The following ZNF718 variants were observed in gnomAD, a reference collection of about 807,000 sequenced individuals.
ZNF718 encodes zinc finger protein 718.
ZNF718 carries 3 observed loss-of-function variants against 2.6 expected under a neutral mutation model. The observed-to-expected ratio is 1.16, with a 90% CI of 0.53 to 3.01. The LOEUF (loss-of-function observed/expected upper bound fraction) is 3.01. Among genes scored for constraint, ZNF718 ranks in the 30% most tolerant of loss-of-function variants. The pLI, the probability that ZNF718 is intolerant of heterozygous loss-of-function variation, is 0.03. For synonymous variants in ZNF718, 135 were observed against 77.9 expected (o/e 1.73, Z -3.86); for missense variants, 468 against 230.0 (o/e 2.03, Z -6.69).
chr4:164,874 A>T (rs1221538140), downstream of ZNF718, among the ~76,000 whole-genome samples: 2 of 152,172 alleles, frequency 1.3e-5, no homozygotes, highest in African/African-American at 4.8e-5. Flanking sequence ...ATAGGTGTGT[A>T]ATAGCTGCTC....
In ZNF718 at chr4:131,152, A is replaced by G. The variant is rs1477214690; in HGVS notation, c.130+238A>G. ...AGGCTAGTGGTAATTCTAGAAATTA[A>G]TGATATAAAATAATTGTCTTTCACA... On this transcript the variant is annotated intron_variant, in intron 2 of 3. Coordinates refer to ENST00000510175, the MANE Select transcript of ZNF718 (RefSeq NM_001039127.6). 1.4e-4 allele frequency among the ~76,000 whole-genome samples: 15 copies of G among 104,740 alleles called. 5 individuals carry two copies. The South Asian group carries it at 2.6e-3, about 18-fold the overall frequency. The allele number at this position is 104,740 out of a possible 152,430, so 68.7% of individuals were successfully genotyped here. A position where few individuals can be genotyped will look rare whatever the true frequency, so the allele number is the denominator to read the frequency against.
intron 3 of ZNF718, among the ~76,000 whole-genome samples, chr4:172,531 G>A (rs1415349279): frequency 6.6e-6 from 1 of 151,988 alleles, no homozygotes; most frequent in African/African-American, 2.4e-5. Context: ...AATAACATAG[G>A]TACTTATTTT....
chr4:169,186 G>T (rs1163195692), intron 3 of ZNF718, among the ~76,000 whole-genome samples: 1 of 152,190 alleles, frequency 6.6e-6, no homozygotes, highest in Non-Finnish European at 1.5e-5. Flanking sequence ...TTAATCCTGA[G>T]TTCTAGTTTG....
intron 3 of ZNF718, among the ~76,000 whole-genome samples, chr4:187,037 T>C (rs1301007761): frequency 1.3e-5 from 2 of 152,210 alleles, no homozygotes; most frequent in Non-Finnish European, 2.9e-5. Context: ...CTTTGTGGGC[T>C]TATCTATTTT....
intron 3 of ZNF718, among the ~76,000 whole-genome samples, chr4:137,410 A>G (rs144426600): frequency 6.7e-6 from 1 of 149,412 alleles, no homozygotes; most frequent in African/African-American, 2.5e-5. Context: ...GAATAACTTC[A>G]TTTTTTTTTT....
chr4:169,052 G>C (rs546369515), downstream of ZNF718, among the ~76,000 whole-genome samples: 1 of 152,166 alleles, frequency 6.6e-6, no homozygotes, highest in South Asian at 2.1e-4. Context: ...GGTATGTTGT[G>C]TCTTTGTTCT....
chr4:172,942 G>A (rs540273515), intron 3 of ZNF718, among the ~76,000 whole-genome samples: 1 of 152,230 alleles, frequency 6.6e-6, no homozygotes, highest in Non-Finnish European at 1.5e-5. Context: ...CTACTCAGGA[G>A]GCTGAGGCAG....
chr4:130,759 T>A, intron 1 of ZNF718, 29 bp from the exon 2 acceptor site: 1 of 317,908 alleles, frequency 3.1e-6, no homozygotes. Context: ...AAAAAAGAAT[T>A]CTGTCACTTG....
intron 3 of ZNF718, among the ~76,000 whole-genome samples, chr4:183,467 T>C (rs1398209580): frequency 6.6e-6 from 1 of 152,238 alleles, no homozygotes; most frequent in Non-Finnish European, 1.5e-5. Context: ...TGCTTAGAAT[T>C]GCCTTGGCTA....
In ZNF718 at chr4:154,933, A is replaced by G. The variant is rs908068071; in HGVS notation, c.227-5979A>G. Reference sequence around the variant, plus strand: ...AGAGGCCTAAGAGGGAAATAATTTTATGGGTTGGGCCTAGGCCCCCCTTCC... The same window carrying G: ...AGAGGCCTAAGAGGGAAATAATTTTGTGGGTTGGGCCTAGGCCCCCCTTCC... On this transcript the variant is annotated intron_variant, in intron 3 of 3. Transcript: ENST00000510175. 3.3e-5 allele frequency among the ~76,000 whole-genome samples: 5 copies of G among 152,136 alleles called. No individual in the cohort carries two copies. The East Asian group carries it at 9.7e-4, about 29-fold the overall frequency.
At position 186,890 on chromosome 4, in the gene ZNF718, GAAGCC is replaced by G. The variant is rs545396887; in HGVS notation, c.227-14190_227-14186del. Among the ~76,000 whole-genome samples the G allele has an allele frequency of 4.4e-3, 663 of 152,296 alleles. 1 individual carries two copies. The highest frequency in any genetic ancestry group is 7.8e-3 in the Non-Finnish European group (528 of 68,038). On this transcript the variant is annotated intron_variant and NMD_transcript_variant, in intron 3 of 4. Coordinates refer to the ZNF718 transcript ENST00000642529. ...CAAAGCTCATTTGTATTCACATCCTGAAGCCTACTTCTATCATTTCAGCCATTTCA... is the reference window on the plus strand; with the variant it reads ...CAAAGCTCATTTGTATTCACATCCTGTACTTCTATCATTTCAGCCATTTCA...
chr4:164,758 A>T (rs782732567), downstream of ZNF718, among the ~76,000 whole-genome samples: 37 of 152,282 alleles, frequency 2.4e-4, no homozygotes, highest in Middle Eastern at 0.014. Context: ...TATAATCAAC[A>T]TAATTGAGTT....
chr4:182,807 G>A (rs1717494421), intron 3 of ZNF718, among the ~76,000 whole-genome samples: 1 of 152,110 alleles, frequency 6.6e-6, no homozygotes, highest in African/African-American at 2.4e-5. Context: ...CTTCTTCTGA[G>A]AAGTGTCTGT....
At chr4:185,413 A>G (rs1282653958) in intron 3 of ZNF718, among the ~76,000 whole-genome samples, 2 of 152,116 alleles carry the variant, frequency 1.3e-5, no homozygotes, top group East Asian at 3.9e-4. Context: ...GCATGTTTTA[A>G]TACTGATTAT....
downstream of ZNF718, among the ~76,000 whole-genome samples, chr4:166,725 G>A (rs990762756): frequency 3.3e-5 from 5 of 151,888 alleles, no homozygotes; most frequent in Admixed American, 3.3e-4. Context: ...AAATTTGTTT[G>A]AGTTCTTTGT....
At chr4:158,992 T>C (rs1716700666) in intron 3 of ZNF718, among the ~76,000 whole-genome samples, 1 of 151,684 alleles carries the variant, frequency 6.6e-6, no homozygotes, top group African/African-American at 2.4e-5. Flanking sequence ...AGGACAGTTT[T>C]GCTGGTTATA....
At chr4:199,183 C>G (rs1356105593) in intron 3 of ZNF718, among the ~76,000 whole-genome samples, 1 of 152,206 alleles carries the variant, frequency 6.6e-6, no homozygotes, top group Non-Finnish European at 1.5e-5. Context: ...TTTTCCTCCT[C>G]TGTAAAAGGG....
At chr4:149,458 A>G (rs1229521415) in intron 3 of ZNF718, among the ~76,000 whole-genome samples, 1 of 152,120 alleles carries the variant, frequency 6.6e-6, no homozygotes, top group African/African-American at 2.4e-5. Context: ...ACTCCATTTT[A>G]CTGGGCAATC....
chr4:191,202 G>A (rs1717687494), intron 3 of ZNF718, among the ~76,000 whole-genome samples: 2 of 137,110 alleles, frequency 1.5e-5, no homozygotes, highest in Admixed American at 1.5e-4. Flanking sequence ...AGGCTGGAGT[G>A]CGGTGGTGTC....
Sources: allele counts gnomAD v4.1 joint callset (sites outside exome capture counted in the v4.1 genomes callset), GRCh38; gene constraint gnomAD v4.1.1; transcripts MANE v1.5; gene names NCBI Gene and HGNC (gene_info 2026-07-23, HGNC 2026-07-21).